The following SLC27A2 variants were observed in gnomAD, a reference collection of about 807,000 sequenced individuals.
SLC27A2 encodes solute carrier family 27 member 2.
In SLC27A2, 54 loss-of-function variants were observed where a neutral mutation model predicts 60.0. The observed-to-expected ratio is 0.90, with a 90% CI of 0.72 to 1.13. The LOEUF is 1.13. Ranked by LOEUF, SLC27A2 falls within the 50% of genes most tolerant of loss-of-function variation. The pLI is 0.00. For synonymous variants in SLC27A2, 297 were observed against 297.6 expected (o/e 1.00, Z 0.02); for missense variants, 739 against 777.6 (o/e 0.95, Z 0.59).
intron 4 of SLC27A2, among the ~76,000 whole-genome samples, chr15:50,219,255 G>A (rs915011144): frequency 1.3e-5 from 2 of 152,174 alleles, no homozygotes; most frequent in African/African-American, 4.8e-5. Context: ...GAAATATGCA[G>A]ATAGCAAGAA....
intron 1 of SLC27A2, among the ~76,000 whole-genome samples, chr15:50,196,316 C>T (rs1163590626): frequency 6.6e-6 from 1 of 151,098 alleles, no homozygotes; most frequent in East Asian, 1.9e-4. Flanking sequence ...TACCCACACA[C>T]CCACATAACT....
At chr15:50,215,491 G>C (rs1435569651) in intron 4 of SLC27A2, among the ~76,000 whole-genome samples, 1 of 151,976 alleles carries the variant, frequency 6.6e-6, no homozygotes, top group African/African-American at 2.4e-5. Flanking sequence ...ACCAAAAAAA[G>C]AGCCCGCATA....
chr15:50,197,694 A>C lies in SLC27A2; in HGVS notation c.673A>C (p.Thr225Pro). The part of the protein sequence containing the change: ...TFSTPALYIY[T>P]SGTTGLPKAA... ...TTCCACTCCTGCCTTATACATTTATACTTCTGGAACCACAGGTAAAAATAA... is the reference window on the plus strand; with the variant it reads ...TTCCACTCCTGCCTTATACATTTATCCTTCTGGAACCACAGGTAAAAATAA... The change falls in exon 2 of 10, where the codon ACT becomes CCT. Residue 225 changes from threonine to proline, a missense_variant. By Grantham distance (38) the Thr-to-Pro change is conservative (BLOSUM62 -1). Coordinates refer to ENST00000267842, the MANE Select transcript of SLC27A2 (RefSeq NM_003645.4). 6.2e-7 allele frequency: 1 copy of C among 1,611,846 alleles called. No homozygotes were observed. Among genetic ancestry groups the C allele is most frequent in the South Asian group, 1.1e-5 (1 of 90,968 alleles).
intron 1 of SLC27A2, among the ~76,000 whole-genome samples, chr15:50,192,144 A>G (rs969119156): frequency 6.6e-6 from 1 of 152,196 alleles, no homozygotes; most frequent in Non-Finnish European, 1.5e-5. Context: ...TTAAATATCA[A>G]CTAGATAGTT....
rs753058137 is a variant in SLC27A2 at position 50,233,892 on chromosome 15, C to T, written c.1580C>T (p.Ala527Val). Residue 527 changes from alanine (A) to valine (V), a missense_variant, in exon 9 of 10, where the codon GCC becomes GTC. Physicochemically the swap from Ala to Val is moderately conservative, Grantham distance 64 (BLOSUM62 0). Coordinates refer to ENST00000267842, the MANE Select transcript of SLC27A2 (RefSeq NM_003645.4). ...GATCATGAGGGTCGCATTGGCATGG[C>T]CTCCATCAAAATGAAAGAAAACCAT... ...VPDHEGRIGM[A>V]SIKMKENHEF... is the part of the protein sequence containing the mutation. 14 of 1,613,698 alleles carry T rather than the reference C, an allele frequency of 8.7e-6. No individual in the cohort carries two copies. Among genetic ancestry groups the T allele is most frequent in the Non-Finnish European group, 1.2e-5 (14 of 1,179,784 alleles).
chr15:50,232,728 T>A (rs550130590), intron 8 of SLC27A2, among the ~76,000 whole-genome samples: 2 of 152,258 alleles, frequency 1.3e-5, no homozygotes, highest in Non-Finnish European at 2.9e-5. Flanking sequence ...TGGAGACACT[T>A]GAGATTTCTA....
chr15:50,206,820 T>C (rs2045116872), intron 4 of SLC27A2, among the ~76,000 whole-genome samples: 1 of 152,152 alleles, frequency 6.6e-6, no homozygotes, highest in Non-Finnish European at 1.5e-5. Flanking sequence ...CTGAAAAATG[T>C]GTAGTTGAGT....
intron 3 of SLC27A2, among the ~76,000 whole-genome samples, chr15:50,204,129 A>C (rs2045088825): frequency 6.6e-6 from 1 of 152,226 alleles, no homozygotes. Flanking sequence ...ACACATAAGT[A>C]CTTAACACAA....
At position 50,228,895 on chromosome 15, in the gene SLC27A2, C is replaced by G. The variant is rs753965434; in HGVS notation, c.1458-50C>G. 8 of 1,288,340 alleles carry G rather than the reference C, an allele frequency of 6.2e-6. No homozygotes were observed. The South Asian group carries it at 9.5e-5, about 15-fold the overall frequency. 79.8% of individuals were successfully genotyped at this position (1,288,340 alleles called of 1,614,324 possible). On this transcript the variant is annotated intron_variant, in intron 7 of 9. Coordinates refer to ENST00000267842, the MANE Select transcript of SLC27A2 (RefSeq NM_003645.4). ...AACACCAGCTCTCCGACATTGCAAC[C>G]TGGGCCAGAAACCACCAGTGACCTC... is the stretch of plus-strand genomic sequence containing the variant.
chr15:50,203,636 A>ACACACACATAT (rs1491139732), intron 3 of SLC27A2, among the ~76,000 whole-genome samples: 2 of 152,178 alleles, frequency 1.3e-5, no homozygotes, highest in South Asian at 4.1e-4. Context: ...ATATGTATAT[A>ACACACACATAT]CACACACATA....
chr15:50,218,687 C>CA (rs1299521378), intron 4 of SLC27A2, among the ~76,000 whole-genome samples: 1 of 151,590 alleles, frequency 6.6e-6, no homozygotes, highest in Non-Finnish European at 1.5e-5. Context: ...CAAGTCTCCA[C>CA]AAAAAAATAG....
intron 2 of SLC27A2, among the ~76,000 whole-genome samples, chr15:50,201,561 CTT>C (rs112780212): frequency 1.5e-4 from 22 of 145,462 alleles, no homozygotes; most frequent in Admixed American, 7.6e-4. Flanking sequence ...GTGCATATTT[CTT>C]TTTTTTTTTT....
At chr15:50,196,072 A>AT (rs2045016807) in intron 1 of SLC27A2, among the ~76,000 whole-genome samples, 1 of 18,116 alleles carries the variant, frequency 5.5e-5, no homozygotes, top group Admixed American at 9.0e-4. Context: ...AAAAAAAAAA[A>AT]AAAAAATATA....
Position 50,207,460 on chromosome 15 carries a change from T to G in SLC27A2, c.972+2097T>G, listed in dbSNP as rs548973616. Among the ~76,000 whole-genome samples the G allele has an allele frequency of 1.9e-4, 29 of 151,792 alleles. No individual in the cohort carries two copies. The South Asian group carries it at 5.6e-3, about 29-fold the overall frequency. ...AGTATAATAAAAGATCAAAGTTATC[T>G]CAAAAAAAAACCTTCAGTTAAAGAT... On this transcript the variant is annotated intron_variant, in intron 4 of 9. Coordinates refer to ENST00000267842, the MANE Select transcript of SLC27A2 (RefSeq NM_003645.4).
chr15:50,202,565 CAGATGA>C lies in SLC27A2; in HGVS notation c.768_773del (p.Asp257_Asp258del), dbSNP rs1403339243. ...CTCACTTTTGTAAGCGGATTGAAGG[CAGATGA>C]TGTCATCTATATCACTCTGCCCTTT... On this transcript the variant is annotated inframe_deletion, in exon 3 of 10. Coordinates refer to ENST00000267842, the MANE Select transcript of SLC27A2 (RefSeq NM_003645.4). 2 of 1,613,950 alleles carry C rather than the reference CAGATGA, an allele frequency of 1.2e-6. No homozygotes were observed. Among genetic ancestry groups the C allele is most frequent in the Non-Finnish European group, 1.7e-6 (2 of 1,179,912 alleles).
chr15:50,228,705 G>A (rs2045293976), intron 7 of SLC27A2, among the ~76,000 whole-genome samples: 2 of 152,130 alleles, frequency 1.3e-5, no homozygotes, highest in African/African-American at 4.8e-5. Flanking sequence ...ATTATTCTGT[G>A]TATTGTGTTT....
intron 1 of SLC27A2, among the ~76,000 whole-genome samples, chr15:50,192,150 T>C (rs2140896670): frequency 6.6e-6 from 1 of 152,180 alleles, no homozygotes; most frequent in South Asian, 2.1e-4. Context: ...ATCAACTAGA[T>C]AGTTGACAGG....
At chr15:50,223,893 A>T (rs1353898642) in intron 5 of SLC27A2, among the ~76,000 whole-genome samples, 4 of 152,200 alleles carry the variant, frequency 2.6e-5, no homozygotes, top group African/African-American at 9.7e-5. Flanking sequence ...GCCATGAAAC[A>T]GCCGCACCAG....
chr15:50,205,651 G>T (rs2278167), intron 4 of SLC27A2, among the ~76,000 whole-genome samples: 70,239 of 151,854 alleles, frequency 0.46, 17,388 homozygotes, highest in Middle Eastern at 0.58. Context: ...CTAAAAGCCA[G>T]TGTCAAAGCC....
Sources: allele counts gnomAD v4.1 joint callset (sites outside exome capture counted in the v4.1 genomes callset), GRCh38; gene constraint gnomAD v4.1.1; transcripts MANE v1.5; gene names NCBI Gene and HGNC (gene_info 2026-07-23, HGNC 2026-07-21).